UTP18: variants seen among roughly 807,000 people sequenced by gnomAD.
The protein encoded by UTP18 is U3 small nucleolar RNA-associated protein 18 homolog.
A neutral mutation model predicts 61.1 loss-of-function variants in UTP18; 36 were observed. The ratio of observed to expected loss-of-function variants is 0.59; its 90% confidence interval spans 0.45 to 0.78. The LOEUF is 0.78. UTP18 is among the 30% of genes least tolerant of loss of function. The probability of loss-of-function intolerance (pLI) is 0.00; values close to 1 mark genes in which losing one functional copy is unlikely to be tolerated. For synonymous variants in UTP18, 282 were observed against 251.1 expected (o/e 1.12, Z -1.16); for missense variants, 753 against 693.9 (o/e 1.09, Z -0.96).
intron 2 of UTP18, among the ~76,000 whole-genome samples, chr17:51,265,562 C>CTTTTTTTTTTTTTTTTTTT (rs10695281): frequency 3.5e-5 from 3 of 85,560 alleles, no homozygotes; most frequent in African/African-American, 1.5e-4. Flanking sequence ...CGTGCCCGGC[C>CTTTTTTTTTTTTTTTTTTT]TTTTTTTTTT....
chr17:51,284,685 A>G (rs1206373416), intron 9 of UTP18, among the ~76,000 whole-genome samples: 2 of 152,114 alleles, frequency 1.3e-5, no homozygotes, highest in East Asian at 3.9e-4. Flanking sequence ...ACAGCTTGTG[A>G]TTTTTTTCCT....
intron 11 of UTP18, among the ~76,000 whole-genome samples, chr17:51,292,044 C>G (rs933264979): frequency 6.6e-6 from 1 of 152,146 alleles, no homozygotes; most frequent in Non-Finnish European, 1.5e-5. Flanking sequence ...TACAAACTTA[C>G]AATAACCCAA....
Position 51,285,309 on chromosome 17 carries a change from A to C in UTP18, c.1269A>C (p.Glu423Asp). The C allele has an allele frequency of 6.2e-7, 1 of 1,613,994 alleles. No individual in the cohort carries two copies. The highest frequency in any genetic ancestry group is 8.5e-7 in the Non-Finnish European group (1 of 1,179,934). Residue 423 changes from glutamate (E) to aspartate (D), a missense_variant, in exon 10 of 14, where the codon GAA (glutamate) becomes GAC (aspartate). Glu to Asp is a conservative substitution (Grantham distance 45). Transcript: ENST00000225298. The part of the protein sequence containing the change: ...SRKCLNRFVD[E>D]GSLYGLSIAT... ...AGTGCCTTAACAGATTTGTTGATGAAGGCAGTTTATATGGATTAAGCATTG... is the reference window on the plus strand; with the variant it reads ...AGTGCCTTAACAGATTTGTTGATGACGGCAGTTTATATGGATTAAGCATTG...
chr17:51,294,134 T>C, intron 12 of UTP18, 89 bp downstream of exon 12: 1 of 1,131,684 alleles, frequency 8.8e-7, no homozygotes, highest in Non-Finnish European at 1.2e-6. Flanking sequence ...AATTCTACAG[T>C]TAATAAATTC....
Position 51,284,042 on chromosome 17 carries a change from T to G in UTP18, c.1205-1203T>G, listed in dbSNP as rs551169658. Reference sequence around the variant, plus strand: ...TGAGAGACTAATCTTTAAAACACTTTCCTTTATTATAACATTAATGTACAG... The same window carrying G: ...TGAGAGACTAATCTTTAAAACACTTGCCTTTATTATAACATTAATGTACAG... On this transcript the variant is annotated intron_variant, in intron 9 of 13. Coordinates refer to ENST00000225298, the MANE Select transcript of UTP18 (RefSeq NM_016001.3). 4.8e-4 allele frequency among the ~76,000 whole-genome samples: 73 copies of G among 152,246 alleles called. 1 individual carries two copies. The highest frequency in any genetic ancestry group is 4.1e-3 in the Admixed American group (62 of 15,286).
At chr17:51,289,796 C>T (rs1288725618) in intron 11 of UTP18, among the ~76,000 whole-genome samples, 1 of 152,186 alleles carries the variant, frequency 6.6e-6, no homozygotes, top group Non-Finnish European at 1.5e-5. Context: ...TTGCATCTGC[C>T]ATCAGCTTTG....
chr17:51,293,207 A>G (rs1432814912), intron 11 of UTP18, among the ~76,000 whole-genome samples: 1 of 152,166 alleles, frequency 6.6e-6, no homozygotes. Context: ...CTCATTCAGC[A>G]AACATTTGAA....
intron 12 of UTP18, among the ~76,000 whole-genome samples, chr17:51,296,002 T>C (rs1905361150): frequency 6.6e-6 from 1 of 152,246 alleles, no homozygotes. Context: ...TTGATTTCTT[T>C]TTAAAAGGTG....
intron 4 of UTP18, among the ~76,000 whole-genome samples, chr17:51,270,637 C>G (rs1734078162): frequency 6.6e-6 from 1 of 152,138 alleles, no homozygotes; most frequent in Non-Finnish European, 1.5e-5. Flanking sequence ...GTTGGTTCTT[C>G]CAGAGTTGCC....
intron 1 of UTP18, among the ~76,000 whole-genome samples, chr17:51,262,553 A>T (rs1419342396): frequency 6.6e-6 from 1 of 152,108 alleles, no homozygotes; most frequent in Non-Finnish European, 1.5e-5. Flanking sequence ...GCTAATAGTA[A>T]CTGGTTGCTC....
intron 13 of UTP18, among the ~76,000 whole-genome samples, chr17:51,297,327 A>G (rs544741831): frequency 1.3e-5 from 2 of 152,354 alleles, no homozygotes; most frequent in South Asian, 2.1e-4. Context: ...GGGTCTTCAG[A>G]TATAGCTATA....
intron 12 of UTP18, among the ~76,000 whole-genome samples, chr17:51,295,031 C>T (rs922805864): frequency 2.4e-4 from 37 of 151,910 alleles, no homozygotes; most frequent in African/African-American, 8.7e-4. Context: ...ATATCCTTCG[C>T]CCACTTTTTG....
chr17:51,286,603 C>T, intron 10 of UTP18: 1 of 456,008 alleles, frequency 2.2e-6, no homozygotes, highest in Non-Finnish European at 4.4e-6. Context: ...CTGCCTTAGG[C>T]AGTAAGACAG....
At chr17:51,268,622 G>A (rs1314967854) in intron 3 of UTP18, among the ~76,000 whole-genome samples, 2 of 152,222 alleles carry the variant, frequency 1.3e-5, no homozygotes, top group African/African-American at 2.4e-5. Context: ...ACTAGTTTAA[G>A]TGGGCAGAGG....
At chr17:51,281,164 A>ATATATATATAT (rs59857038) in intron 9 of UTP18, among the ~76,000 whole-genome samples, 132 of 140,416 alleles carry the variant, frequency 9.4e-4, no homozygotes, top group African/African-American at 3.2e-3. Flanking sequence ...ATATATATAT[A>ATATATATATAT]TTTTTTTTAA....
At chr17:51,274,672 G>A (rs1170162781) in intron 5 of UTP18, among the ~76,000 whole-genome samples, 2 of 151,592 alleles carry the variant, frequency 1.3e-5, no homozygotes, top group Non-Finnish European at 1.5e-5. Flanking sequence ...GGCTGGTCTC[G>A]AACTCCTGAC....
chr17:51,271,720 T>G (rs1005517595), intron 4 of UTP18, among the ~76,000 whole-genome samples: 24 of 151,928 alleles, frequency 1.6e-4, no homozygotes, highest in African/African-American at 5.6e-4. Flanking sequence ...TAGGCTGGAG[T>G]GCAGTGGCAC....
intron 1 of UTP18, among the ~76,000 whole-genome samples, chr17:51,262,771 C>T (rs1057034099): frequency 3.9e-5 from 6 of 152,116 alleles, no homozygotes; most frequent in African/African-American, 1.2e-4. Context: ...AGGCTGGACT[C>T]GAACTCCTGG....
At chr17:51,264,227 G>A (rs555939365) in intron 2 of UTP18, among the ~76,000 whole-genome samples, 47 of 152,050 alleles carry the variant, frequency 3.1e-4, no homozygotes, top group Admixed American at 2.4e-3. Context: ...AGTAGAGACA[G>A]AGTTAGACGG....
Sources: gnomAD v4.1 joint callset for allele counts (sites outside exome capture counted in the v4.1 genomes callset) on GRCh38, gnomAD v4.1.1 for gene constraint, MANE v1.5 for transcripts, NCBI Gene and HGNC (gene_info 2026-07-23, HGNC 2026-07-21) for gene names.